The following C1QTNF2 variants were observed in gnomAD, a reference collection of about 807,000 sequenced individuals.
C1QTNF2 encodes C1q and TNF related 2, also known as complement C1q tumor necrosis factor-related protein 2.
In C1QTNF2, 15 loss-of-function variants were observed where a neutral mutation model predicts 17.4. The ratio of observed to expected loss-of-function variants is 0.86; its 90% CI spans 0.58 to 1.33. The LOEUF (loss-of-function observed/expected upper bound fraction) is 1.33, where lower values mean the gene tolerates loss of function less well. C1QTNF2 is among the 40% of genes most tolerant of loss of function. The probability of loss-of-function intolerance (pLI) is 0.00; values close to 1 mark genes in which losing one functional copy is unlikely to be tolerated. For synonymous variants in C1QTNF2, 154 were observed against 163.3 expected (o/e 0.94, Z 0.44); for missense variants, 381 against 392.3 (o/e 0.97, Z 0.24).
chr5:160,353,325 G>C (rs1230047356), intron 2 of C1QTNF2, among the ~76,000 whole-genome samples: 1 of 152,202 alleles, frequency 6.6e-6, no homozygotes, highest in African/African-American at 2.4e-5. Context: ...TTGCTGGGGT[G>C]AAAGTTTGGA....
At chr5:160,362,766 G>T (rs893836184) in intron 1 of C1QTNF2, among the ~76,000 whole-genome samples, 5 of 152,148 alleles carry the variant, frequency 3.3e-5, no homozygotes, top group Admixed American at 2.6e-4. Context: ...GAAGACTGGG[G>T]TCCCAGTCCT....
At chr5:160,350,799 G>A (rs1254330698) in intron 2 of C1QTNF2, among the ~76,000 whole-genome samples, 1 of 146,930 alleles carries the variant, frequency 6.8e-6, no homozygotes, top group Non-Finnish European at 1.5e-5. Context: ...CGCCCAGGCT[G>A]GAGCACAGTG....
At chr5:160,353,341 A>G (rs1763961533) in intron 2 of C1QTNF2, among the ~76,000 whole-genome samples, 1 of 152,178 alleles carries the variant, frequency 6.6e-6, no homozygotes, top group South Asian at 2.1e-4. Flanking sequence ...TTGGAGATAT[A>G]AGGAATGTCA....
chr5:160,366,736 T>C (rs965648983), intron 1 of C1QTNF2, among the ~76,000 whole-genome samples: 1 of 152,168 alleles, frequency 6.6e-6, no homozygotes, highest in Admixed American at 6.5e-5. Context: ...AATATTACAA[T>C]GTGCAGGCTG....
intron 1 of C1QTNF2, among the ~76,000 whole-genome samples, chr5:160,357,607 C>A (rs892257246): frequency 6.6e-6 from 1 of 152,146 alleles, no homozygotes; most frequent in Non-Finnish European, 1.5e-5. Flanking sequence ...AGAATAGAAA[C>A]TGAATTTTTA....
chr5:160,364,183 T>C (rs1333171692), intron 1 of C1QTNF2, among the ~76,000 whole-genome samples: 3 of 152,240 alleles, frequency 2.0e-5, no homozygotes, highest in Non-Finnish European at 2.9e-5. Flanking sequence ...AGCCCAGTGA[T>C]GTATTTCACA....
Position 160,365,326 on chromosome 5 carries a change from C to T in C1QTNF2, c.-10+5186G>A, listed in dbSNP as rs549731051. On this transcript the variant is annotated intron_variant, in intron 1 of 2. Coordinates refer to ENST00000652664, the MANE Select transcript of C1QTNF2 (RefSeq NM_031908.6). Reference sequence around the variant, plus strand: ...CTTTGAAGGGGACAGGGAGAAAAGGCTAAGTTTTCCTTGACTTTTCTGGGT... The same window carrying T: ...CTTTGAAGGGGACAGGGAGAAAAGGTTAAGTTTTCCTTGACTTTTCTGGGT... Among the ~76,000 whole-genome samples, 23 of 152,306 alleles carry T rather than the reference C, an allele frequency of 1.5e-4. No homozygotes were observed. The South Asian group carries it at 4.8e-3, about 32-fold the overall frequency.
intron 2 of C1QTNF2, 100 bp downstream of exon 2, chr5:160,354,668 G>T: frequency 9.3e-7 from 1 of 1,075,834 alleles, no homozygotes; most frequent in Non-Finnish European, 1.3e-6. Flanking sequence ...GATTTATAAT[G>T]AAGAGGATTA....
intron 1 of C1QTNF2, among the ~76,000 whole-genome samples, chr5:160,359,710 CA>C (rs1189063289): frequency 6.6e-6 from 1 of 152,202 alleles, no homozygotes; most frequent in Non-Finnish European, 1.5e-5. Flanking sequence ...GTGGAGGGGA[CA>C]GCCTCCTGGG....
intron 1 of C1QTNF2, among the ~76,000 whole-genome samples, chr5:160,357,783 G>C (rs987861699): frequency 6.6e-6 from 1 of 150,404 alleles, no homozygotes; most frequent in Non-Finnish European, 1.5e-5. Flanking sequence ...GAGAGGGAGA[G>C]AGACTGGCAG....
chr5:160,351,158 T>C (rs960017544), intron 2 of C1QTNF2, among the ~76,000 whole-genome samples: 45 of 152,298 alleles, frequency 3.0e-4, no homozygotes, highest in African/African-American at 1.0e-3. Flanking sequence ...ATTCCCCCAG[T>C]TGTGTTTTCC....
At position 160,367,002 on chromosome 5, in the gene C1QTNF2, C is replaced by T. The variant is rs538528684; in HGVS notation, c.-10+3510G>A. On this transcript the variant is annotated intron_variant, in intron 1 of 2. Transcript: ENST00000652664. ...TTGTGCCGCTGCACTTCAATCTGGG[C>T]AACAGAGCAAGACATTGTCAAAAAA... Among the ~76,000 whole-genome samples the T allele has an allele frequency of 5.9e-5, 6 of 101,878 alleles. No individual in the cohort carries two copies. The South Asian group carries it at 1.7e-3, about 29-fold the overall frequency. 66.8% of individuals were successfully genotyped at this position (101,878 alleles called of 152,430 possible).
At chr5:160,354,579 A>T in intron 2 of C1QTNF2, among the ~76,000 whole-genome samples, 189 bp downstream of exon 2, 1 of 80,892 alleles carries the variant, frequency 1.2e-5, no homozygotes, top group Non-Finnish European at 2.6e-5. Flanking sequence ...CCTCTGTCTC[A>T]AGGGGAAAAA....
intron 1 of C1QTNF2, among the ~76,000 whole-genome samples, chr5:160,367,061 A>G (rs1764261285): frequency 6.6e-6 from 1 of 151,912 alleles, no homozygotes; most frequent in South Asian, 2.1e-4. Context: ...AACAACGTGC[A>G]GAGACTGGCT....
intron 1 of C1QTNF2, among the ~76,000 whole-genome samples, chr5:160,363,115 A>G (rs17057677): frequency 0.1 from 15,452 of 152,272 alleles, 809 homozygotes; most frequent in East Asian, 0.19. Context: ...GTTTGGTGTT[A>G]AAAGGGACAA....
intron 1 of C1QTNF2, 77 bp from the exon 2 acceptor site, chr5:160,355,097 G>A: frequency 6.9e-7 from 1 of 1,449,418 alleles, no homozygotes; most frequent in Non-Finnish European, 9.1e-7. Flanking sequence ...GGGATGCACA[G>A]GAGGAGGCAG....
chr5:160,358,466 AT>A (rs56714813), intron 1 of C1QTNF2, among the ~76,000 whole-genome samples: 62,343 of 149,828 alleles, frequency 0.42, 13,590 homozygotes, highest in Middle Eastern at 0.5. Context: ...CCTTTCTTTA[AT>A]TTTTTTTTTT....
At chr5:160,369,340 G>A (rs1040861086) in intron 1 of C1QTNF2, among the ~76,000 whole-genome samples, 2 of 152,228 alleles carry the variant, frequency 1.3e-5, no homozygotes, top group African/African-American at 4.8e-5. Context: ...GGAGAAGTCA[G>A]ACATTTGGGA....
chr5:160,354,598 GTATATATATATA>G (rs1172776724), intron 2 of C1QTNF2, among the ~76,000 whole-genome samples, 158 bp downstream of exon 2: 20 of 30,886 alleles, frequency 6.5e-4, no homozygotes, highest in Admixed American at 9.4e-4. Context: ...AAAAAAAAAA[GTATATATATATA>G]TATATATATA....
Sources: allele counts gnomAD v4.1 joint callset (sites outside exome capture counted in the v4.1 genomes callset), GRCh38; gene constraint gnomAD v4.1.1; transcripts MANE v1.5; gene names NCBI Gene and HGNC (gene_info 2026-07-23, HGNC 2026-07-21).